Variants in WDR6 observed in about 807,000 individuals in gnomAD.
WDR6 encodes the protein WD repeat domain 6.
In WDR6, 58 loss-of-function variants were observed where a neutral mutation model predicts 85.6. The ratio of observed to expected loss-of-function variants is 0.68; its 90% CI spans 0.55 to 0.84. The LOEUF is 0.84. Among genes scored for constraint, WDR6 ranks in the 40% least tolerant of loss-of-function variants. The pLI is 0.00. For missense variants in WDR6, 1,310 were observed against 1,476.4 expected (o/e 0.89, Z 1.85); for synonymous variants, 569 against 582.2 (o/e 0.98, Z 0.33).
intron 1 of WDR6, chr3:49,008,433 T>C (rs2092996717): frequency 6.6e-6 from 1 of 152,118 alleles, no homozygotes; most frequent in African/African-American, 2.4e-5. Context: ...CCAGTTTTGA[T>C]CTGGTGTGGG....
chr3:49,013,646 C>A lies in WDR6; in HGVS notation c.2112C>A (p.Ile704=), dbSNP rs199734918. The part of the protein sequence containing the change: ...ILREGLHGRE[I]TCVKRVGTIT... Reference sequence around the variant, plus strand: ...GGGAGGGTCTGCATGGCCGTGAGATCACTTGTGTAAAGCGTGTGGGCACCA... The same window carrying A: ...GGGAGGGTCTGCATGGCCGTGAGATAACTTGTGTAAAGCGTGTGGGCACCA... Residue 704 remains isoleucine, a synonymous_variant, in exon 2 of 6, where the codon ATC becomes ATA. Transcript: ENST00000608424. This position sits in a 1 kb window ranked among gnomAD's most constrained non-coding sequence, Gnocchi z 4.6. The A allele has an allele frequency of 1.9e-6, 3 of 1,614,082 alleles. No individual in the cohort carries two copies. The highest frequency in any genetic ancestry group is 4.5e-5 in the East Asian group (2 of 44,880).
Position 49,014,864 on chromosome 3 carries a change from G to T in WDR6, c.2942G>T (p.Cys981Phe), listed in dbSNP as rs2093042907. The T allele has an allele frequency of 2.5e-6, 4 of 1,610,930 alleles. No homozygotes were observed. In the East Asian group the frequency reaches 8.9e-5, roughly 36 times the overall value. The change falls in exon 6 of 6, where the codon TGT (cysteine) becomes TTT (phenylalanine). Residue 981 changes from cysteine (C) to phenylalanine (F), a missense_variant. Transcript: ENST00000608424. This position sits in a 1 kb window ranked among gnomAD's most constrained non-coding sequence, Gnocchi z 4.9. ...TCCCTGACTCTCCAGGCCCACAGCTGTGGTATCAACAGCCTGCACACCTTG... is the reference window on the plus strand; with the variant it reads ...TCCCTGACTCTCCAGGCCCACAGCTTTGGTATCAACAGCCTGCACACCTTG... Reference protein sequence around the residue: ...TPSLTLQAHSCGINSLHTLPT... With the variant: ...TPSLTLQAHSFGINSLHTLPT...
rs1481101583 is a variant in WDR6, at chr3:49,014,408, C to T, written c.2692C>T (p.Arg898Trp). ...GCTCTTTCTTTTGCAGGATTCTGGG[C>T]GGATTCTGCAGCTCCTTGCTGAAAC... ...VRLFLLQDSG[R>W]ILQLLAETFH... Residue 898 changes from arginine (R) to tryptophan (W), a missense_variant, in exon 4 of 6, where the codon CGG becomes TGG. Arg to Trp is a moderately radical substitution (Grantham distance 101, BLOSUM62 -3). Coordinates refer to ENST00000608424, the MANE Select transcript of WDR6 (RefSeq NM_018031.6). The surrounding 1 kb of genome is among the most constrained non-coding windows in gnomAD (Gnocchi z 4.9). The T allele has an allele frequency of 4.3e-6, 7 of 1,613,966 alleles. No homozygotes were observed. Among genetic ancestry groups the T allele is most frequent in the East Asian group, 2.2e-5 (1 of 44,888 alleles).
At position 49,012,704 on chromosome 3, in the gene WDR6, C is replaced by G. The variant is rs1159323296; in HGVS notation, c.1170C>G (p.Phe390Leu). The change falls in exon 2 of 6, where the codon TTC becomes TTG. Residue 390 changes from phenylalanine (F) to leucine (L), a missense_variant. Phe to Leu is a conservative substitution (Grantham distance 22). Coordinates refer to ENST00000608424, the MANE Select transcript of WDR6 (RefSeq NM_018031.6). The surrounding 1 kb of genome is among the most constrained non-coding windows in gnomAD (Gnocchi z 4.4). The part of the protein sequence containing the change: ...CWEQLLEDKH[F>L]QSYCLLEAAP... ...AGCAGCTGCTAGAGGATAAACATTT[C>G]CAGTCCTACTGCCTGCTGGAGGCAG... 2 of 1,613,894 alleles carry G rather than the reference C, an allele frequency of 1.2e-6. No individual in the cohort carries two copies. Among genetic ancestry groups the G allele is most frequent in the Admixed American group, 1.7e-5 (1 of 59,996 alleles).
Position 49,015,001 on chromosome 3 carries a change from G to C in WDR6, c.3079G>C (p.Gly1027Arg), listed in dbSNP as rs369006989. 8.7e-6 allele frequency: 14 copies of C among 1,614,036 alleles called. No individual in the cohort carries two copies. The African/African-American group carries it at 1.7e-4, about 20-fold the overall frequency. ...GCTAGAAGAGGCTGTGGGAGAGGCT[G>C]GGCTGGTACCCCAGCTGCGTGTGCT... ...LQLEEAVGEA[G>R]LVPQLRVLEE... is the part of the protein sequence containing the mutation. The change falls in exon 6 of 6, where the codon GGG (glycine) becomes CGG (arginine). Residue 1027 changes from glycine to arginine, a missense_variant. By Grantham distance (125) the Gly-to-Arg change is moderately radical. Coordinates refer to ENST00000608424, the MANE Select transcript of WDR6 (RefSeq NM_018031.6).
intron 1 of WDR6, 104 bp from the exon 2 acceptor site, chr3:49,011,528 TGCA>T (rs1229675115): frequency 6.2e-7 from 1 of 1,612,426 alleles, no homozygotes; most frequent in Admixed American, 1.7e-5. Context: ...TGTGTCCTGA[TGCA>T]TTCATAGGCT....
rs781259145 is a variant in WDR6 at position 49,011,823 on chromosome 3, A to G, written c.289A>G (p.Ile97Val). ...AAGCAAGGGACTCCGAGTTGTGAAA[A>G]TTAGCTGGGGACAGGGCCACTTCTG... is the stretch of plus-strand genomic sequence containing the variant. ...FGSKGLRVVK[I>V]SWGQGHFWEL... The change falls in exon 2 of 6, where the codon ATT becomes GTT. Residue 97 changes from isoleucine to valine, a missense_variant. Coordinates refer to ENST00000608424, the MANE Select transcript of WDR6 (RefSeq NM_018031.6). The G allele has an allele frequency of 2.5e-6, 4 of 1,614,108 alleles. No homozygotes were observed. The highest frequency in any genetic ancestry group is 2.5e-6 in the Non-Finnish European group (3 of 1,180,056).
At position 49,011,909 on chromosome 3, in the gene WDR6, T is replaced by G. The variant is rs759013897; in HGVS notation, c.375T>G (p.Leu125=). Residue 125 remains leucine, a synonymous_variant, in exon 2 of 6, where the codon CTT becomes CTG. Transcript: ENST00000608424. The part of the protein sequence containing the change: ...MSDWIWDARW[L]EGNIALALGH... ...ACTGGATTTGGGATGCACGCTGGCT[T>G]GAGGGAAATATAGCCTTGGCCCTGG... 70 of 1,614,110 alleles carry G rather than the reference T, an allele frequency of 4.3e-5. No homozygotes were observed. The highest frequency in any genetic ancestry group is 5.9e-5 in the Non-Finnish European group (70 of 1,180,042).
chr3:49,013,358 G>A lies in WDR6; in HGVS notation c.1824G>A (p.Lys608=). The A allele has an allele frequency of 6.2e-7, 1 of 1,614,220 alleles. No individual in the cohort carries two copies. Among genetic ancestry groups the A allele is most frequent in the South Asian group, 1.1e-5 (1 of 91,092 alleles). The change falls in exon 2 of 6, where the codon AAG becomes AAA. Residue 608 remains lysine (K), a synonymous_variant. Coordinates refer to ENST00000608424, the MANE Select transcript of WDR6 (RefSeq NM_018031.6). This position sits in a 1 kb window ranked among gnomAD's most constrained non-coding sequence, Gnocchi z 4.6. ...AGCTCCAGCCAGTCCTAAGGCAGAA[G>A]TCCTGTCGAGGCATGAACTGGCTAG... The part of the protein sequence containing the change: ...DGQLQPVLRQ[K]SCRGMNWLAG...
chr3:49,014,940 C>T lies in WDR6; in HGVS notation c.3018C>T (p.Ser1006=). Residue 1006 remains serine (S), a synonymous_variant, in exon 6 of 6, where the codon TCC becomes TCT. Coordinates refer to ENST00000608424, the MANE Select transcript of WDR6 (RefSeq NM_018031.6). This position sits in a 1 kb window ranked among gnomAD's most constrained non-coding sequence, Gnocchi z 4.9. ...HLVASGSEDG[S]LHVFVLAVEM... ...TGGCCAGTGGCAGTGAAGATGGATC[C>T]CTCCATGTCTTCGTGCTTGCTGTGG... 1 of 1,614,126 alleles carries T rather than the reference C, an allele frequency of 6.2e-7. No homozygotes were observed. The highest frequency in any genetic ancestry group is 8.5e-7 in the Non-Finnish European group (1 of 1,180,006).
At position 49,014,613 on chromosome 3, in the gene WDR6, T is replaced by C; in HGVS notation, c.2797T>C (p.Cys933Arg). 6.8e-6 allele frequency: 11 copies of C among 1,613,682 alleles called. No individual in the cohort carries two copies. The highest frequency in any genetic ancestry group is 8.5e-6 in the Non-Finnish European group (10 of 1,179,980). ...CCTGGCTCTCAGGAGGCTCCTCCTG[T>C]GCAGCGCAGCTACTGATGGCAGCCT... ...APNQRRRLLL[C>R]SAATDGSLAF... Residue 933 changes from cysteine (C) to arginine (R), a missense_variant, in exon 5 of 6, where the codon TGC becomes CGC. By Grantham distance (180) the Cys-to-Arg change is radical. Transcript: ENST00000608424. The surrounding 1 kb of genome is among the most constrained non-coding windows in gnomAD (Gnocchi z 4.9).
chr3:49,015,666 C>T lies in WDR6; in HGVS notation c.*378C>T. 3.1e-6 allele frequency: 5 copies of T among 1,614,126 alleles called. No individual in the cohort carries two copies. Among genetic ancestry groups the T allele is most frequent in the Non-Finnish European group, 4.2e-6 (5 of 1,180,030 alleles). Reference sequence around the variant, plus strand: ...CCTCACGCACAGCTCTCAGAAGCTGCAGGCGGACGAACATCTGACCAAAGA... The same window carrying T: ...CCTCACGCACAGCTCTCAGAAGCTGTAGGCGGACGAACATCTGACCAAAGA... On this transcript the variant is annotated 3_prime_UTR_variant, in exon 6 of 6. Coordinates refer to ENST00000608424, the MANE Select transcript of WDR6 (RefSeq NM_018031.6).
chr3:49,011,504 A>T, intron 1 of WDR6, 131 bp from the exon 2 acceptor site: 1 of 1,610,598 alleles, frequency 6.2e-7, no homozygotes, highest in Non-Finnish European at 8.5e-7. Flanking sequence ...TCTAAGATTC[A>T]AGCTGCAGGA....
chr3:49,014,295 T>C lies in WDR6; in HGVS notation c.2666+2T>C. ...AGCCTGTAGTGATGGGGCCGTAAGGTGAGAGCATAGGGCCCAGTGGGACAG... is the reference window on the plus strand; with the variant it reads ...AGCCTGTAGTGATGGGGCCGTAAGGCGAGAGCATAGGGCCCAGTGGGACAG... On this transcript the variant is annotated splice_donor_variant, in intron 3 of 5. Transcript: ENST00000608424. LOFTEE classifies it high-confidence loss of function. This position sits in a 1 kb window ranked among gnomAD's most constrained non-coding sequence, Gnocchi z 4.9. 1 of 1,613,896 alleles carries C rather than the reference T, an allele frequency of 6.2e-7. No individual in the cohort carries two copies. Among genetic ancestry groups the C allele is most frequent in the Non-Finnish European group, 8.5e-7 (1 of 1,179,974 alleles).
chr3:49,013,024 G>A lies in WDR6; in HGVS notation c.1490G>A (p.Ser497Asn). Residue 497 changes from serine (S) to asparagine (N), a missense_variant, in exon 2 of 6, where the codon AGT (serine) becomes AAT (asparagine). Coordinates refer to ENST00000608424, the MANE Select transcript of WDR6 (RefSeq NM_018031.6). This position sits in a 1 kb window ranked among gnomAD's most constrained non-coding sequence, Gnocchi z 4.6. ...PPSKQRWHTC[S>N]AFLPPGDFLV... is the part of the protein sequence containing the mutation. ...AGCAAGCAGAGATGGCACACATGCA[G>A]TGCCTTCCTACCCCCAGGTGACTTC... 6.2e-7 allele frequency: 1 copy of A among 1,613,246 alleles called. No homozygotes were observed. Among genetic ancestry groups the A allele is most frequent in the Non-Finnish European group, 8.5e-7 (1 of 1,179,454 alleles).
At position 49,015,638 on chromosome 3, in the gene WDR6, G is replaced by A. The variant is rs2093052807; in HGVS notation, c.*350G>A. On this transcript the variant is annotated 3_prime_UTR_variant, in exon 6 of 6. Coordinates refer to ENST00000608424, the MANE Select transcript of WDR6 (RefSeq NM_018031.6). ...CCCAGCATAGCCAGGCCAGTATGGA[G>A]CACCTCACGCACAGCTCTCAGAAGC... 1.2e-6 allele frequency: 2 copies of A among 1,614,152 alleles called. No homozygotes were observed. Among genetic ancestry groups the A allele is most frequent in the African/African-American group, 1.3e-5 (1 of 75,018 alleles).
chr3:49,013,568 T>C lies in WDR6; in HGVS notation c.2034T>C (p.Asp678=). 1 of 1,614,046 alleles carries C rather than the reference T, an allele frequency of 6.2e-7. No homozygotes were observed. The highest frequency in any genetic ancestry group is 8.5e-7 in the Non-Finnish European group (1 of 1,179,994). The change falls in exon 2 of 6, where the codon GAT becomes GAC. Residue 678 remains aspartate (D), a synonymous_variant. Transcript: ENST00000608424. The surrounding 1 kb of genome is among the most constrained non-coding windows in gnomAD (Gnocchi z 4.6). ...AMAFAYLKDG[D]VMLYRALGGC... ...CCTTTGCTTACCTCAAGGATGGGGA[T>C]GTCATGCTGTACAGGGCTCTGGGTG...
rs780729279 is a variant in WDR6 at position 49,013,169 on chromosome 3, T to G, written c.1635T>G (p.Ser545Arg). 1.9e-6 allele frequency: 3 copies of G among 1,611,592 alleles called. No homozygotes were observed. The highest frequency in any genetic ancestry group is 1.3e-5 in the African/African-American group (1 of 74,922). The change falls in exon 2 of 6, where the codon AGT (serine) becomes AGG (arginine). Residue 545 changes from serine (S) to arginine (R), a missense_variant. By Grantham distance (110) the Ser-to-Arg change is moderately radical. Transcript: ENST00000608424. The surrounding 1 kb of genome is among the most constrained non-coding windows in gnomAD (Gnocchi z 4.6). ...RAGAGAPVVGSGSSGGGNAFT... is the reference protein window; with the variant it reads ...RAGAGAPVVGRGSSGGGNAFT... ...GTGCTGGGGCACCTGTAGTGGGTAG[T>G]GGTAGTAGTGGGGGTGGGAATGCTT...
rs1175239458 is a variant in WDR6 at position 49,012,691 on chromosome 3, A to T, written c.1157A>T (p.Glu386Val). Residue 386 changes from glutamate to valine, a missense_variant, in exon 2 of 6, where the codon GAG becomes GTG. Coordinates refer to ENST00000608424, the MANE Select transcript of WDR6 (RefSeq NM_018031.6). This position sits in a 1 kb window ranked among gnomAD's most constrained non-coding sequence, Gnocchi z 4.4. ...GTCAAGTGCTGGGAGCAGCTGCTAG[A>T]GGATAAACATTTCCAGTCCTACTGC... Reference protein sequence around the residue: ...VEVKCWEQLLEDKHFQSYCLL... With the variant: ...VEVKCWEQLLVDKHFQSYCLL... 6.2e-7 allele frequency: 1 copy of T among 1,613,940 alleles called. No individual in the cohort carries two copies. Among genetic ancestry groups the T allele is most frequent in the South Asian group, 1.1e-5 (1 of 91,086 alleles).
Sources: gnomAD v4.1 joint callset for allele counts on GRCh38, gnomAD v4.1.1 for gene constraint, Gnocchi (gnomAD v3.1) non-coding constraint, MANE v1.5 for transcripts, NCBI Gene and HGNC (gene_info 2026-07-23, HGNC 2026-07-21) for gene names.